The following SLC1A1 variants were observed in gnomAD, a reference collection of about 807,000 sequenced individuals.
The protein encoded by SLC1A1 is excitatory amino acid transporter 3.
Under a neutral mutation model 53.3 loss-of-function variants are expected in SLC1A1, and 43 were observed. The ratio of observed to expected loss-of-function variants is 0.81; its 90% CI spans 0.63 to 1.04. SLC1A1 has a LOEUF of 1.04. Ranked by LOEUF, SLC1A1 falls within the 50% of genes least tolerant of loss-of-function variation. SLC1A1 has a pLI of 0.00. For missense variants in SLC1A1, 748 were observed against 664.9 expected (o/e 1.12, Z -1.37); for synonymous variants, 307 against 243.2 (o/e 1.26, Z -2.44).
At position 4,549,725 on chromosome 9, in the gene SLC1A1, C is replaced by T. The variant is rs569538561; in HGVS notation, c.232+5018C>T. On this transcript the variant is annotated intron_variant, in intron 2 of 11. Coordinates refer to ENST00000262352, the MANE Select transcript of SLC1A1 (RefSeq NM_004170.6). This position sits in a 1 kb window ranked among gnomAD's most constrained non-coding sequence, Gnocchi z 4.1. ...CTTCAGAGAAAACCCCCCTCACGGC[C>T]ACAGGGGGATAGCCTTTCCTCGTGG... 2.8e-4 allele frequency among the ~76,000 whole-genome samples: 43 copies of T among 152,300 alleles called. No individual in the cohort carries two copies. Among genetic ancestry groups the T allele is most frequent in the Admixed American group, 1.5e-3 (23 of 15,304 alleles).
chr9:4,574,075 G>A, intron 8 of SLC1A1, 61 bp downstream of exon 8: 1 of 1,157,290 alleles, frequency 8.6e-7, no homozygotes, highest in Non-Finnish European at 1.3e-6. Flanking sequence ...TGGCCGCTGA[G>A]AGGTTGGGTT....
At chr9:4,518,673 G>C (rs1023862428) in intron 1 of SLC1A1, among the ~76,000 whole-genome samples, 4 of 152,182 alleles carry the variant, frequency 2.6e-5, no homozygotes, top group Non-Finnish European at 4.4e-5. Context: ...CTTTCACATG[G>C]AGAAGCTATC....
intron 10 of SLC1A1, among the ~76,000 whole-genome samples, chr9:4,580,354 G>A (rs1820942373): frequency 6.6e-6 from 1 of 152,164 alleles, no homozygotes; most frequent in Admixed American, 6.5e-5. Context: ...GCCAAGGCGG[G>A]CGGATCACTT....
chr9:4,587,024 C>T lies in SLC1A1; in HGVS notation c.*1466C>T, dbSNP rs1051545828. On this transcript the variant is annotated 3_prime_UTR_variant, in exon 12 of 12. Coordinates refer to ENST00000262352, the MANE Select transcript of SLC1A1 (RefSeq NM_004170.6). ...ACTGAAATCCAAAATAGTCATGTTT[C>T]TGCAGTATTCTGTAGCCAACTTAAA... 3 of 152,590 alleles carry T rather than the reference C, an allele frequency of 2.0e-5. No homozygotes were observed. The highest frequency in any genetic ancestry group is 7.2e-5 in the African/African-American group (3 of 41,432). The allele number at this position is 152,590 out of a possible 1,614,324, so 9.5% of individuals were successfully genotyped here.
In SLC1A1 at chr9:4,576,038, T is replaced by C; in HGVS notation, c.913T>C (p.Tyr305His). Residue 305 changes from tyrosine (Y) to histidine (H), a missense_variant, in exon 9 of 12, where the codon TAT becomes CAT. By Grantham distance (83) the Tyr-to-His change is moderately conservative. Transcript: ENST00000262352. ...IHSIVILPLI[Y>H]FIVVRKNPFR... is the part of the protein sequence containing the mutation. ...CTCCATTGTAATTCTCCCGCTGATA[T>C]ATTTCATAGTCGTACGAAAGAACCC... The C allele has an allele frequency of 1.2e-6, 2 of 1,613,976 alleles. No individual in the cohort carries two copies. The highest frequency in any genetic ancestry group is 1.7e-6 in the Non-Finnish European group (2 of 1,179,794).
At chr9:4,531,548 A>G (rs1453191975) in intron 1 of SLC1A1, among the ~76,000 whole-genome samples, 2 of 152,098 alleles carry the variant, frequency 1.3e-5, no homozygotes, top group African/African-American at 2.4e-5. Flanking sequence ...TAGGTAAACA[A>G]AGCAGCCGGG....
In SLC1A1 at chr9:4,549,315, G is replaced by A. The variant is rs1009250710; in HGVS notation, c.232+4608G>A. The stretch of plus-strand genomic sequence containing the variant: ...TGTCTGCTGTGGCTGCCACTACCCC[G>A]GTGACCTAAGGAGTTCCGCTCTTTG... On this transcript the variant is annotated intron_variant, in intron 2 of 11. Coordinates refer to ENST00000262352, the MANE Select transcript of SLC1A1 (RefSeq NM_004170.6). This position sits in a 1 kb window ranked among gnomAD's most constrained non-coding sequence, Gnocchi z 4.1. Among the ~76,000 whole-genome samples, 3 of 152,144 alleles carry A rather than the reference G, an allele frequency of 2.0e-5. No homozygotes were observed. The highest frequency in any genetic ancestry group is 2.9e-5 in the Non-Finnish European group (2 of 68,026).
intron 1 of SLC1A1, among the ~76,000 whole-genome samples, chr9:4,500,609 C>T (rs1239913657): frequency 6.6e-6 from 1 of 152,258 alleles, no homozygotes. Context: ...CTGCACTGCG[C>T]CCAAGAAACT....
chr9:4,584,648 C>T (rs527876724), intron 11 of SLC1A1, among the ~76,000 whole-genome samples: 8 of 152,198 alleles, frequency 5.3e-5, no homozygotes, highest in Non-Finnish European at 1.0e-4. Flanking sequence ...TGGATCCTCT[C>T]CTCTGCAGTG....
At position 4,586,470 on chromosome 9, in the gene SLC1A1, GCATAGC is replaced by G. The variant is rs1821582702; in HGVS notation, c.*916_*921del. On this transcript the variant is annotated 3_prime_UTR_variant, in exon 12 of 12. Coordinates refer to ENST00000262352, the MANE Select transcript of SLC1A1 (RefSeq NM_004170.6). ...TGTATTATGGTGATACTCCAAGGTG[GCATAGC>G]CATTCATTTACAACTTCCAGATTTG... The G allele has an allele frequency of 6.6e-6, 1 of 152,118 alleles. No homozygotes were observed. The highest frequency in any genetic ancestry group is 2.4e-5 in the African/African-American group (1 of 41,408). The allele number at this position is 152,118 out of a possible 1,614,324, so 9.4% of individuals were successfully genotyped here.
chr9:4,538,628 C>CATATATAT lies in SLC1A1; in HGVS notation c.92-5939_92-5938insATATATAT, dbSNP rs1360900911. The stretch of plus-strand genomic sequence containing the variant: ...GCATTTATTTTTATTGCAGGCAGAG[C>CATATATAT]TGCTATAATATATTGCCAGTATAGT... On this transcript the variant is annotated intron_variant, in intron 1 of 11. Transcript: ENST00000262352. Among the ~76,000 whole-genome samples the CATATATAT allele has an allele frequency of 3.9e-5, 6 of 152,210 alleles. No individual in the cohort carries two copies. In the East Asian group the frequency reaches 1.2e-3, roughly 29 times the overall value.
intron 1 of SLC1A1, among the ~76,000 whole-genome samples, chr9:4,508,037 A>T (rs925253928): frequency 6.6e-5 from 10 of 152,162 alleles, no homozygotes; most frequent in Non-Finnish European, 1.5e-4. Flanking sequence ...TCCAAACCGT[A>T]CAAGTCTGAG....
chr9:4,547,559 C>T (rs1309607375), intron 2 of SLC1A1, among the ~76,000 whole-genome samples: 4 of 152,190 alleles, frequency 2.6e-5, no homozygotes. Flanking sequence ...TAAGTTCATT[C>T]ATACACTTTC....
chr9:4,502,914 C>G (rs1467483511), intron 1 of SLC1A1, among the ~76,000 whole-genome samples: 1 of 151,690 alleles, frequency 6.6e-6, no homozygotes, highest in Non-Finnish European at 1.5e-5. Flanking sequence ...CCTACATAAA[C>G]CTTCTGTTTG....
At chr9:4,546,544 A>G (rs1817509037) in intron 2 of SLC1A1, among the ~76,000 whole-genome samples, 1 of 152,226 alleles carries the variant, frequency 6.6e-6, no homozygotes, top group Non-Finnish European at 1.5e-5. Flanking sequence ...TGAGAATGCC[A>G]TAGTCTCCAC....
chr9:4,534,397 A>C (rs1031324671), intron 1 of SLC1A1, among the ~76,000 whole-genome samples: 1 of 152,226 alleles, frequency 6.6e-6, no homozygotes. Flanking sequence ...CTGATCCCAC[A>C]GAAATACAGA....
At chr9:4,524,226 A>G (rs946788418) in intron 1 of SLC1A1, among the ~76,000 whole-genome samples, 1 of 152,220 alleles carries the variant, frequency 6.6e-6, no homozygotes, top group Non-Finnish European at 1.5e-5. Context: ...GGAACTCTCA[A>G]TTTTAATATT....
At chr9:4,576,179 C>G in intron 9 of SLC1A1, 56 bp downstream of exon 9, 1 of 1,562,466 alleles carries the variant, frequency 6.4e-7, no homozygotes, top group Non-Finnish European at 8.8e-7. Flanking sequence ...TATCAACTCT[C>G]ACCTCACTTT....
At chr9:4,579,390 G>A (rs1477524172) in intron 10 of SLC1A1, among the ~76,000 whole-genome samples, 1 of 152,236 alleles carries the variant, frequency 6.6e-6, no homozygotes, top group Admixed American at 6.5e-5. Flanking sequence ...TGATTTCCAA[G>A]GAGTGGTTTA....
Sources: allele counts gnomAD v4.1 joint callset (sites outside exome capture counted in the v4.1 genomes callset), GRCh38; gene constraint gnomAD v4.1.1; non-coding constraint Gnocchi (gnomAD v3.1); transcripts MANE v1.5; gene names NCBI Gene and HGNC (gene_info 2026-07-23, HGNC 2026-07-21).